Variants in HMGN5 observed in about 807,000 individuals in gnomAD.
The protein encoded by HMGN5 is high mobility group nucleosome-binding domain-containing protein 5.
Under a neutral mutation model 9.5 loss-of-function variants are expected in HMGN5, and 4 were observed. The ratio of observed to expected loss-of-function variants is 0.42; its 90% confidence interval spans 0.21 to 0.96. The LOEUF (loss-of-function observed/expected upper bound fraction) is 0.96, where lower values mean the gene tolerates loss of function less well. Ranked by LOEUF, HMGN5 falls within the 40% of genes least tolerant of loss-of-function variation. HMGN5 has a pLI of 0.30. For synonymous variants in HMGN5, 55 were observed against 57.1 expected (o/e 0.96, Z 0.16); for missense variants, 192 against 187.5 (o/e 1.02, Z -0.14).
chrX:81,153,703 A>T (rs1418009712), intron 1 of HMGN5, among the ~76,000 whole-genome samples: 1 of 93,117 alleles, frequency 1.1e-5, no homozygotes, highest in Non-Finnish European at 2.1e-5. Flanking sequence ...TAGACTGATT[A>T]AAAAATTCAG....
intron 1 of HMGN5, among the ~76,000 whole-genome samples, chrX:81,141,153 T>A (rs753714333): frequency 1.8e-5 from 2 of 111,529 alleles, no homozygotes; most frequent in African/African-American, 3.3e-5. Flanking sequence ...TATAATAGAA[T>A]ACCAGGTAGG....
At chrX:81,159,407 T>A (rs1271081597) in intron 1 of HMGN5, among the ~76,000 whole-genome samples, 2 of 111,009 alleles carry the variant, frequency 1.8e-5, no homozygotes, top group Admixed American at 1.9e-4. Context: ...AATAAAAATT[T>A]AAAAAAAGAA....
intron 1 of HMGN5, among the ~76,000 whole-genome samples, chrX:81,157,603 C>T (rs896600170): frequency 1.2e-4 from 13 of 111,273 alleles, no homozygotes; most frequent in Non-Finnish European, 2.1e-4. Flanking sequence ...AACTCACATA[C>T]CCTCCAGAGT....
At chrX:81,154,037 A>G (rs758381688) in intron 1 of HMGN5, among the ~76,000 whole-genome samples, 52 of 110,687 alleles carry the variant, frequency 4.7e-4, no homozygotes, top group Non-Finnish European at 7.9e-4. Context: ...ATAGGGAACC[A>G]CAGAAGACCC....
intron 1 of HMGN5, among the ~76,000 whole-genome samples, chrX:81,146,308 C>A (rs1454435131): frequency 1.8e-5 from 2 of 111,975 alleles, no homozygotes; most frequent in African/African-American, 6.5e-5. Flanking sequence ...TCTCAGACCA[C>A]AGTGAAATCA....
At chrX:81,176,426 G>A (rs1324605321) in intron 1 of HMGN5, among the ~76,000 whole-genome samples, 3 of 111,558 alleles carry the variant, frequency 2.7e-5, no homozygotes, top group Non-Finnish European at 5.6e-5. Flanking sequence ...AAAGCTGGAC[G>A]GAGAATGACT....
In HMGN5 at chrX:81,190,200, T is replaced by C. The variant is rs2075490219; in HGVS notation, c.-124+11537A>G. ...TTTTGTAAAACTGTCCCTTATCGGA[T>C]ATGTCTTTTGTAAACATTTTCTCCC... On this transcript the variant is annotated intron_variant, in intron 1 of 6. Coordinates refer to ENST00000358130, the MANE Select transcript of HMGN5 (RefSeq NM_030763.3). Among the ~76,000 whole-genome samples, 8 of 112,223 alleles carry C rather than the reference T, an allele frequency of 7.1e-5. No individual in the cohort carries two copies. The South Asian group carries it at 2.9e-3, about 41-fold the overall frequency.
chrX:81,119,879 A>G, intron 2 of HMGN5, 62 bp from the exon 3 acceptor site: 1 of 972,817 alleles, frequency 1.0e-6, no homozygotes, highest in Non-Finnish European at 1.5e-6. Context: ...AAATCAGAAA[A>G]TACTGCCTGC....
intron 1 of HMGN5, among the ~76,000 whole-genome samples, chrX:81,186,589 ATATT>A (rs2075478073): frequency 9.0e-6 from 1 of 111,483 alleles, no homozygotes; most frequent in Non-Finnish European, 1.9e-5. Context: ...TGTTCATTTC[ATATT>A]TATTAATTTC....
intron 1 of HMGN5, among the ~76,000 whole-genome samples, chrX:81,153,513 C>T (rs2075371384): frequency 1.1e-5 from 1 of 90,416 alleles, no homozygotes; most frequent in Non-Finnish European, 2.2e-5. Context: ...AAGATCAAGC[C>T]ACTGCACTCC....
At chrX:81,152,401 C>T (rs373473036) in intron 1 of HMGN5, among the ~76,000 whole-genome samples, 1 of 111,104 alleles carries the variant, frequency 9.0e-6, no homozygotes, top group Admixed American at 9.6e-5. Context: ...AAAATGCTCA[C>T]CATCACTGGC....
intron 1 of HMGN5, among the ~76,000 whole-genome samples, chrX:81,159,350 T>A (rs2075392472): frequency 9.0e-6 from 1 of 111,135 alleles, no homozygotes; most frequent in Admixed American, 9.6e-5. Context: ...TTCACCTATG[T>A]AACAAACCTG....
At chrX:81,143,350 GA>G (rs1449696422) in intron 1 of HMGN5, among the ~76,000 whole-genome samples, 1 of 111,901 alleles carries the variant, frequency 8.9e-6, no homozygotes, top group African/African-American at 3.3e-5. Context: ...CTGAATGAAT[GA>G]AAAAACAAGA....
At position 81,135,138 on chromosome X, in the gene HMGN5, T is replaced by C. The variant is rs146045684; in HGVS notation, c.-123-13466A>G. Among the ~76,000 whole-genome samples, 610 of 111,789 alleles carry C rather than the reference T, an allele frequency of 5.5e-3. 3 individuals carry two copies. The highest frequency in any genetic ancestry group is 9.2e-3 in the Non-Finnish European group (489 of 52,924). ...ACAGATAAATTGGACTTCATCGATTTTAAATATTTTGTGCTGCAAGCAATA... is the reference window on the plus strand; with the variant it reads ...ACAGATAAATTGGACTTCATCGATTCTAAATATTTTGTGCTGCAAGCAATA... On this transcript the variant is annotated intron_variant, in intron 1 of 6. Coordinates refer to ENST00000358130, the MANE Select transcript of HMGN5 (RefSeq NM_030763.3).
intron 1 of HMGN5, among the ~76,000 whole-genome samples, chrX:81,132,526 C>T (rs1277089194): frequency 1.8e-5 from 2 of 110,965 alleles, no homozygotes; most frequent in African/African-American, 6.6e-5. Flanking sequence ...GAATACAGAA[C>T]CCAGAAATAA....
At chrX:81,154,669 G>GAA (rs749206526) in intron 1 of HMGN5, among the ~76,000 whole-genome samples, 1 of 109,645 alleles carries the variant, frequency 9.1e-6, no homozygotes, top group African/African-American at 3.3e-5. Context: ...AACTCTATAG[G>GAA]AAAAAAAAGT....
intron 1 of HMGN5, among the ~76,000 whole-genome samples, chrX:81,166,030 G>A (rs947316889): frequency 1.8e-5 from 2 of 110,577 alleles, no homozygotes; most frequent in Non-Finnish European, 3.8e-5. Flanking sequence ...GGGGGAGATG[G>A]GGACTGCCTT....
rs1426605702 is a variant in HMGN5, at chrX:81,114,122, T to C, written c.*527A>G. The C allele has an allele frequency of 8.9e-6, 1 of 111,752 alleles. No homozygotes were observed. Among genetic ancestry groups the C allele is most frequent in the Non-Finnish European group, 1.9e-5 (1 of 53,196 alleles). The allele number at this position is 111,752 out of a possible 1,213,427, so 9.2% of individuals were successfully genotyped here. The stretch of plus-strand genomic sequence containing the variant: ...ATCCAGTAAAATTTGTGTATTCACA[T>C]ATAATCAAAACTGCCCTTCTGAAAT... On this transcript the variant is annotated 3_prime_UTR_variant, in exon 7 of 7. Coordinates refer to ENST00000358130, the MANE Select transcript of HMGN5 (RefSeq NM_030763.3).
intron 6 of HMGN5, 135 bp downstream of exon 6, chrX:81,116,069 G>T: frequency 2.4e-6 from 1 of 412,714 alleles, no homozygotes; most frequent in Non-Finnish European, 4.1e-6. Context: ...TTTCCTCTTA[G>T]ATACCATTAT....
Sources: gnomAD v4.1 joint callset for allele counts (sites outside exome capture counted in the v4.1 genomes callset) on GRCh38, gnomAD v4.1.1 for gene constraint, MANE v1.5 for transcripts, NCBI Gene and HGNC (gene_info 2026-07-23, HGNC 2026-07-21) for gene names.